MAP3K13: variants seen among roughly 807,000 people sequenced by gnomAD.
MAP3K13 encodes leucine zipper-bearing kinase.
Under a neutral mutation model 104.0 loss-of-function variants are expected in MAP3K13, and 52 were observed. The ratio of observed to expected loss-of-function variants is 0.50; its 90% CI spans 0.40 to 0.63. MAP3K13 has a LOEUF of 0.63. MAP3K13 is among the 20% of genes least tolerant of loss of function. MAP3K13 has a pLI of 0.00. For missense variants in MAP3K13, 914 were observed against 1,218.5 expected, an observed-to-expected ratio of 0.75 and a Z score of 3.72; for synonymous variants, 394 against 442.2, an observed-to-expected ratio of 0.89 and a Z score of 1.37.
chr3:185,424,037 G>A (rs987155156), intron 1 of MAP3K13, among the ~76,000 whole-genome samples: 1 of 152,204 alleles, frequency 6.6e-6, no homozygotes, highest in Non-Finnish European at 1.5e-5. Flanking sequence ...GATGATGGCA[G>A]GAGGTTATTC....
intron 4 of MAP3K13, among the ~76,000 whole-genome samples, chr3:185,445,478 T>C (rs1165071580): frequency 6.6e-6 from 1 of 152,204 alleles, no homozygotes; most frequent in Non-Finnish European, 1.5e-5. Context: ...TGCCATCCAG[T>C]GCATACATGT....
In MAP3K13 at chr3:185,395,357, C is replaced by CTTTCTTTTTTTTT. The variant is rs1553798321; in HGVS notation, c.-86+31992_-86+31993insCTTTTTTTTTTTT. Among the ~76,000 whole-genome samples, 104 of 69,974 alleles carry CTTTCTTTTTTTTT rather than the reference C, an allele frequency of 1.5e-3. 10 individuals carry two copies. Among genetic ancestry groups the CTTTCTTTTTTTTT allele is most frequent in the Middle Eastern group, 0.022 (2 of 90 alleles). The allele number at this position is 69,974 out of a possible 152,430, so 45.9% of individuals were successfully genotyped here. A position where few individuals can be genotyped will look rare whatever the true frequency, so the allele number is the denominator to read the frequency against. On this transcript the variant is annotated intron_variant, in intron 1 of 13. Transcript: ENST00000265026. ...AGGCATTTCTAATTCAATATTATTT[C>CTTTCTTTTTTTTT]TTTTTTTTTTTTTTTTTTTGAGACG...
chr3:185,296,001 G>A (rs1188482006), intron 2 of MAP3K13, among the ~76,000 whole-genome samples: 3 of 152,144 alleles, frequency 2.0e-5, no homozygotes, highest in Admixed American at 1.3e-4. Context: ...CAGCACTTTC[G>A]GAGGCCAAGG....
intron 7 of MAP3K13, among the ~76,000 whole-genome samples, chr3:185,455,463 ATG>A (rs1297086541): frequency 1.0e-4 from 12 of 117,318 alleles, no homozygotes; most frequent in African/African-American, 4.1e-4. Flanking sequence ...TATCATATAT[ATG>A]AGATATATAC....
intron 2 of MAP3K13, among the ~76,000 whole-genome samples, chr3:185,435,931 A>G (rs916974086): frequency 2.6e-5 from 4 of 152,126 alleles, no homozygotes; most frequent in African/African-American, 7.2e-5. Flanking sequence ...ACTTTGTTCC[A>G]TGTTCTGCAA....
At chr3:185,378,398 G>A (rs1724541257) in intron 1 of MAP3K13, among the ~76,000 whole-genome samples, 2 of 152,130 alleles carry the variant, frequency 1.3e-5, no homozygotes, top group Admixed American at 6.5e-5. Flanking sequence ...TCTGATTTGG[G>A]ATAAAGAAAA....
intron 1 of MAP3K13, among the ~76,000 whole-genome samples, chr3:185,396,799 G>T (rs774241218): frequency 6.6e-6 from 1 of 152,032 alleles, no homozygotes; most frequent in Non-Finnish European, 1.5e-5. Flanking sequence ...CAGAAGGGTC[G>T]GTGTGGTGAA....
intron 10 of MAP3K13, among the ~76,000 whole-genome samples, 184 bp downstream of exon 10, chr3:185,467,147 T>C (rs1717488906): frequency 6.6e-6 from 1 of 152,202 alleles, no homozygotes; most frequent in Non-Finnish European, 1.5e-5. Flanking sequence ...GGAATCTAGC[T>C]TTTACATCTG....
chr3:185,349,254 A>G (rs972912618), intron 2 of MAP3K13, among the ~76,000 whole-genome samples: 7 of 151,638 alleles, frequency 4.6e-5, no homozygotes, highest in African/African-American at 1.5e-4. Flanking sequence ...TACCCAGGAG[A>G]TGGTTTTTCA....
At chr3:185,327,536 C>G (rs1251761576) in intron 2 of MAP3K13, among the ~76,000 whole-genome samples, 1 of 152,114 alleles carries the variant, frequency 6.6e-6, no homozygotes, top group African/African-American at 2.4e-5. Context: ...AATTTATTGC[C>G]TGGGAGAGAA....
chr3:185,294,433 G>C (rs939890299), intron 2 of MAP3K13, among the ~76,000 whole-genome samples: 3 of 152,154 alleles, frequency 2.0e-5, no homozygotes, highest in Non-Finnish European at 4.4e-5. Flanking sequence ...TTTAAACTGT[G>C]ATAGAAGGTT....
intron 2 of MAP3K13, among the ~76,000 whole-genome samples, chr3:185,349,803 C>A (rs1267550286): frequency 6.6e-6 from 1 of 152,182 alleles, no homozygotes; most frequent in African/African-American, 2.4e-5. Flanking sequence ...GTGACTCTTT[C>A]CTTTCATGTC....
At chr3:185,455,299 G>GAT (rs1329609133) in intron 7 of MAP3K13, among the ~76,000 whole-genome samples, 3 of 65,854 alleles carry the variant, frequency 4.6e-5, no homozygotes, top group African/African-American at 1.5e-4. Flanking sequence ...ATATATATGA[G>GAT]ATATATATGA....
At chr3:185,455,777 T>TATATATGAGATATATATATGAG (rs1560120798) in intron 7 of MAP3K13, among the ~76,000 whole-genome samples, 2 of 118,298 alleles carry the variant, frequency 1.7e-5, no homozygotes, top group Non-Finnish European at 3.4e-5. Context: ...ATATATGATA[T>TATATATGAGATATATATATGAG]ATATATGAGA....
intron 7 of MAP3K13, among the ~76,000 whole-genome samples, chr3:185,457,183 T>C (rs973446926): frequency 6.6e-6 from 1 of 151,684 alleles, no homozygotes; most frequent in East Asian, 1.9e-4. Flanking sequence ...AAGACACCCA[T>C]AGCATGGAGC....
intron 1 of MAP3K13, chr3:185,417,876 G>C: frequency 6.2e-7 from 1 of 1,605,412 alleles, no homozygotes; most frequent in Non-Finnish European, 8.5e-7. Flanking sequence ...GTGCTCAAAG[G>C]GCTCTTTGGA....
chr3:185,352,574 A>G, intron 2 of MAP3K13, among the ~76,000 whole-genome samples: 1 of 152,226 alleles, frequency 6.6e-6, no homozygotes, highest in East Asian at 1.9e-4. Flanking sequence ...TTAAGCCACT[A>G]AAACAATTTT....
At chr3:185,463,692 A>G (rs1037531063) in intron 8 of MAP3K13, 33 bp downstream of exon 8, 1 of 1,318,138 alleles carries the variant, frequency 7.6e-7, no homozygotes, top group Non-Finnish European at 1.1e-6. Context: ...ACCTCCCTTC[A>G]TCCCCAGGTC....
In MAP3K13 at chr3:185,433,115, G is replaced by A. The variant is rs933969179; in HGVS notation, c.475+4059G>A. 9.8e-5 allele frequency among the ~76,000 whole-genome samples: 15 copies of A among 152,330 alleles called. No homozygotes were observed. The East Asian group carries it at 2.9e-3, about 29-fold the overall frequency. The stretch of plus-strand genomic sequence containing the variant: ...GTCCTCACCTCCCTTTGAGTATGTT[G>A]ATAGTGAGCCCAAGTAAAGTAGCAT... On this transcript the variant is annotated intron_variant, in intron 2 of 13. Coordinates refer to ENST00000265026, the MANE Select transcript of MAP3K13 (RefSeq NM_004721.5).
Sources: allele counts gnomAD v4.1 joint callset (sites outside exome capture counted in the v4.1 genomes callset), GRCh38; gene constraint gnomAD v4.1.1; transcripts MANE v1.5; gene names NCBI Gene and HGNC (gene_info 2026-07-23, HGNC 2026-07-21).